SLCO2A1: variants seen among roughly 807,000 people sequenced by gnomAD.
SLCO2A1 encodes matrin F/G 1.
A neutral mutation model predicts 71.7 loss-of-function variants in SLCO2A1; 60 were observed. The observed-to-expected ratio is 0.84, with a 90% CI of 0.68 to 1.04. The LOEUF is 1.04. Ranked by LOEUF, SLCO2A1 falls within the 50% of genes least tolerant of loss-of-function variation. The probability of loss-of-function intolerance (pLI) is 0.00; values close to 1 mark genes in which losing one functional copy is unlikely to be tolerated. For missense variants in SLCO2A1, 745 were observed against 813.4 expected (o/e 0.92, Z 1.02); for synonymous variants, 308 against 326.7 (o/e 0.94, Z 0.62).
rs527929416 is a variant in SLCO2A1, at chr3:133,964,268, G to A, written c.398-9075C>T. 3.9e-5 allele frequency among the ~76,000 whole-genome samples: 6 copies of A among 152,188 alleles called. No individual in the cohort carries two copies. In the South Asian group the frequency reaches 1.0e-3, roughly 26 times the overall value. On this transcript the variant is annotated intron_variant, in intron 3 of 13. Transcript: ENST00000310926. ...ACTGCTTGATAGTCAGAGGCCTCTC[G>A]GAATGAACCTCAGTGTCCTCGTCTT...
Position 133,933,258 on chromosome 3 carries a change from T to C in SLCO2A1, c.*1455A>G, listed in dbSNP as rs1165162909. On this transcript the variant is annotated 3_prime_UTR_variant, in exon 14 of 14. Coordinates refer to ENST00000310926, the MANE Select transcript of SLCO2A1 (RefSeq NM_005630.3). ...GTCTGGGGGCCATGGATGGCATGGA[T>C]AGTCAGGTCAGGATCCTTCATGCCA... 6.6e-6 allele frequency: 1 copy of C among 152,154 alleles called. No homozygotes were observed. The highest frequency in any genetic ancestry group is 2.4e-5 in the African/African-American group (1 of 41,382). 9.4% of individuals were successfully genotyped at this position (152,154 alleles called of 1,614,324 possible).
intron 5 of SLCO2A1, among the ~76,000 whole-genome samples, chr3:133,953,181 C>T (rs35359950): frequency 2.0e-5 from 3 of 151,986 alleles, no homozygotes; most frequent in Non-Finnish European, 4.4e-5. Context: ...GGACTACAGG[C>T]ATCTGCCACC....
At chr3:133,945,380 G>A in intron 9 of SLCO2A1, 120 bp from the exon 10 acceptor site, 1 of 981,792 alleles carries the variant, frequency 1.0e-6, no homozygotes, top group Non-Finnish European at 1.5e-6. Flanking sequence ...ATTTCTTTTG[G>A]GCCAGTGCCA....
In SLCO2A1 at chr3:133,959,218, G is replaced by A. The variant is rs181065232; in HGVS notation, c.398-4025C>T. Among the ~76,000 whole-genome samples the A allele has an allele frequency of 2.0e-5, 3 of 152,268 alleles. No individual in the cohort carries two copies. The East Asian group carries it at 5.8e-4, about 29-fold the overall frequency. On this transcript the variant is annotated intron_variant, in intron 3 of 13. Transcript: ENST00000310926. ...CAGTTATTTGGTTGATAGTGGCTGT[G>A]GGTGGGCACTCTGCTTGGGTGGGAG... is the stretch of plus-strand genomic sequence containing the variant.
At chr3:133,971,129 C>T (rs1376920916) in intron 3 of SLCO2A1, among the ~76,000 whole-genome samples, 2 of 152,224 alleles carry the variant, frequency 1.3e-5, no homozygotes, top group African/African-American at 2.4e-5. Context: ...GGAGGCCCTC[C>T]CCTCGGCCTG....
intron 11 of SLCO2A1, among the ~76,000 whole-genome samples, chr3:133,939,945 G>C (rs1933372488): frequency 1.3e-5 from 2 of 150,530 alleles, no homozygotes; most frequent in African/African-American, 4.9e-5. Flanking sequence ...TAATGCTTGG[G>C]TCACCTACAA....
At chr3:134,025,344 C>G (rs887114337) in intron 1 of SLCO2A1, among the ~76,000 whole-genome samples, 1 of 152,092 alleles carries the variant, frequency 6.6e-6, no homozygotes, top group Non-Finnish European at 1.5e-5. Context: ...AATGACCAAC[C>G]TGATGTGTGT....
rs1933215352 is a variant in SLCO2A1, at chr3:133,934,476, G to A, written c.*237C>T. ...TGGGCATCTGGGGGCCTCTTCCAAG[G>A]GGCCAGGGAAGACTCAGCCCCCCAG... On this transcript the variant is annotated 3_prime_UTR_variant, in exon 14 of 14. Transcript: ENST00000310926. 2 of 398,524 alleles carry A rather than the reference G, an allele frequency of 5.0e-6. No homozygotes were observed. The highest frequency in any genetic ancestry group is 4.6e-5 in the East Asian group (1 of 21,760). The allele number at this position is 398,524 out of a possible 1,614,324, so 24.7% of individuals were successfully genotyped here. A position where few individuals can be genotyped will look rare whatever the true frequency, so the allele number is the denominator to read the frequency against.
In SLCO2A1 at chr3:133,948,802, C is replaced by T. The variant is rs55943046; in HGVS notation, c.940+91G>A. ...GCCCTCTGCTCCTACTGTCCCTTACCGCACACAACACCACAGGGGCTGGGG... is the reference window on the plus strand; with the variant it reads ...GCCCTCTGCTCCTACTGTCCCTTACTGCACACAACACCACAGGGGCTGGGG... On this transcript the variant is annotated intron_variant, in intron 7 of 13. Coordinates refer to ENST00000310926, the MANE Select transcript of SLCO2A1 (RefSeq NM_005630.3). 0.21 allele frequency: 326,086 copies of T among 1,586,258 alleles called. 34,714 individuals are homozygous for T. The highest frequency in any genetic ancestry group is 0.31 in the Admixed American group (18,689 of 59,706).
At chr3:134,002,759 G>A (rs1241478060) in intron 1 of SLCO2A1, among the ~76,000 whole-genome samples, 2 of 152,180 alleles carry the variant, frequency 1.3e-5, no homozygotes, top group South Asian at 2.1e-4. Flanking sequence ...TCCAGGCACC[G>A]TACTTTAAGA....
chr3:133,963,579 G>A (rs539262202), intron 3 of SLCO2A1, among the ~76,000 whole-genome samples: 157 of 152,342 alleles, frequency 1.0e-3, no homozygotes, highest in Non-Finnish European at 1.9e-3. Flanking sequence ...GCTCTTAAGA[G>A]CCACCCATCC....
At chr3:133,983,372 C>T (rs1934638543) in intron 1 of SLCO2A1, among the ~76,000 whole-genome samples, 1 of 152,192 alleles carries the variant, frequency 6.6e-6, no homozygotes, top group Admixed American at 6.5e-5. Flanking sequence ...GATTCCAGTC[C>T]CAGCCCTCGA....
intron 3 of SLCO2A1, among the ~76,000 whole-genome samples, chr3:133,956,930 A>C (rs1391527377): frequency 1.3e-5 from 2 of 152,110 alleles, no homozygotes; most frequent in African/African-American, 4.8e-5. Flanking sequence ...TTTATTTTGT[A>C]ATTTGTCTGG....
chr3:133,948,397 A>G (rs1452649316), intron 8 of SLCO2A1, 139 bp downstream of exon 8: 4 of 814,534 alleles, frequency 4.9e-6, no homozygotes, highest in Non-Finnish European at 7.5e-6. Context: ...TGTCCTTAAA[A>G]TTCTTTCTCC....
intron 9 of SLCO2A1, 42 bp from the exon 10 acceptor site, chr3:133,945,302 C>A: frequency 6.4e-7 from 1 of 1,566,096 alleles, no homozygotes; most frequent in Non-Finnish European, 8.6e-7. Flanking sequence ...CAAAGCAAGA[C>A]CAAAGAAAAA....
intron 1 of SLCO2A1, among the ~76,000 whole-genome samples, chr3:133,998,394 T>C (rs1935026301): frequency 1.3e-5 from 2 of 152,242 alleles, no homozygotes; most frequent in African/African-American, 4.8e-5. Context: ...CTGCCGCCCA[T>C]GTCCTGCCTC....
chr3:133,955,639 G>A (rs1576433052), intron 3 of SLCO2A1, among the ~76,000 whole-genome samples: 1 of 152,250 alleles, frequency 6.6e-6, no homozygotes, highest in East Asian at 1.9e-4. Flanking sequence ...GGGGCTCTGG[G>A]CCCCCAGGGT....
At chr3:133,979,449 T>C in intron 2 of SLCO2A1, 32 bp downstream of exon 2, 1 of 1,613,952 alleles carries the variant, frequency 6.2e-7, no homozygotes, top group Non-Finnish European at 8.5e-7. Flanking sequence ...GGTGCACAAG[T>C]GGAGTCTGAT....
chr3:134,012,930 C>T (rs1935371519), intron 1 of SLCO2A1, among the ~76,000 whole-genome samples: 1 of 152,186 alleles, frequency 6.6e-6, no homozygotes, highest in South Asian at 2.1e-4. Context: ...CCAACTCGTT[C>T]CAATTTGCCC....
Sources: allele counts gnomAD v4.1 joint callset (sites outside exome capture counted in the v4.1 genomes callset), GRCh38; gene constraint gnomAD v4.1.1; transcripts MANE v1.5; gene names NCBI Gene and HGNC (gene_info 2026-07-23, HGNC 2026-07-21).